BRAF: variants seen among roughly 807,000 people sequenced by gnomAD.
BRAF encodes serine/threonine-protein kinase B-raf.
In BRAF, 16 loss-of-function variants were observed where a neutral mutation model predicts 104.6. The ratio of observed to expected loss-of-function variants is 0.15; its 90% confidence interval spans 0.10 to 0.23. BRAF has a LOEUF of 0.23. Among genes scored for constraint, BRAF ranks in the 10% least tolerant of loss-of-function variants. The pLI is 1.00. For missense variants in BRAF, 541 were observed against 937.3 expected, an observed-to-expected ratio of 0.58 and a Z score of 5.52; for synonymous variants, 310 against 341.6, an observed-to-expected ratio of 0.91 and a Z score of 1.02.
At chr7:140,905,087 C>T (rs1005637706) in intron 1 of BRAF, among the ~76,000 whole-genome samples, 1 of 152,164 alleles carries the variant, frequency 6.6e-6, no homozygotes, top group Non-Finnish European at 1.5e-5. Context: ...CCCCCAAAAT[C>T]CTACATGCTT....
At chr7:140,863,894 C>A (rs1810669281) in intron 1 of BRAF, among the ~76,000 whole-genome samples, 1 of 152,190 alleles carries the variant, frequency 6.6e-6, no homozygotes, top group Admixed American at 6.5e-5. Flanking sequence ...AACCTCTTTT[C>A]TTTATAAACT....
chr7:140,880,768 T>A (rs1812805038), intron 1 of BRAF, among the ~76,000 whole-genome samples: 1 of 151,294 alleles, frequency 6.6e-6, no homozygotes, highest in Admixed American at 6.6e-5. Flanking sequence ...CAGGAGTTTG[T>A]GAGACTAGCC....
chr7:140,822,261 A>C (rs1805568394), intron 3 of BRAF: 1 of 152,044 alleles, frequency 6.6e-6, no homozygotes, highest in Admixed American at 6.6e-5. Context: ...CTATTAAAAA[A>C]CAAACAAACA....
At chr7:140,891,478 C>T (rs1222849413) in intron 1 of BRAF, among the ~76,000 whole-genome samples, 1 of 152,036 alleles carries the variant, frequency 6.6e-6, no homozygotes, top group African/African-American at 2.4e-5. Context: ...AGTTGTTATA[C>T]TGTATTATCT....
At position 140,915,160 on chromosome 7, in the gene BRAF, A is replaced by AATTT. The variant is rs536799721; in HGVS notation, c.138+9402_138+9405dup. 3.3e-3 allele frequency among the ~76,000 whole-genome samples: 498 copies of AATTT among 152,126 alleles called. 3 individuals carry two copies. Among genetic ancestry groups the AATTT allele is most frequent in the African/African-American group, 0.011 (475 of 41,550 alleles). On this transcript the variant is annotated intron_variant, in intron 1 of 19. Transcript: ENST00000644969. ...AAATACATCTATAAGCCAAAATAGA[A>AATTT]ATTTATTTTGCAAAATAAATGGTAC... is the stretch of plus-strand genomic sequence containing the variant.
At chr7:140,906,190 CCCGG>C (rs1816309951) in intron 1 of BRAF, among the ~76,000 whole-genome samples, 1 of 151,348 alleles carries the variant, frequency 6.6e-6, no homozygotes, top group South Asian at 2.1e-4. Flanking sequence ...GGTCTTAGAA[CCCGG>C]CCTTCGCCTG....
chr7:140,763,032 C>T (rs1798910871), intron 14 of BRAF, among the ~76,000 whole-genome samples: 1 of 152,254 alleles, frequency 6.6e-6, no homozygotes, highest in African/African-American at 2.4e-5. Flanking sequence ...CGGCAACCAT[C>T]CGATTTCTCA....
intron 12 of BRAF, chr7:140,781,289 T>G (rs1361023947): frequency 1.5e-5 from 6 of 413,302 alleles, no homozygotes; most frequent in Non-Finnish European, 8.9e-6. Context: ...AATTATCAGC[T>G]GAAAGACTCT....
intron 8 of BRAF, 115 bp downstream of exon 8, chr7:140,794,193 A>G (rs1335909681): frequency 1.2e-5 from 15 of 1,294,662 alleles, no homozygotes; most frequent in Non-Finnish European, 1.4e-5. Flanking sequence ...TATCACTTAA[A>G]ATAACTGTGA....
At chr7:140,777,270 T>C (rs533645544) in intron 13 of BRAF, among the ~76,000 whole-genome samples, 182 bp from the exon 13 acceptor site, 42 of 152,310 alleles carry the variant, frequency 2.8e-4, no homozygotes, top group Middle Eastern at 3.4e-3. Context: ...CCTCCTACTT[T>C]ATGCAGAGAT....
In BRAF at chr7:140,734,197, A is replaced by G. The variant is rs945723819; in HGVS notation, c.2401+420T>C. On this transcript the variant is annotated intron_variant, in intron 19 of 19. Coordinates refer to ENST00000644969, the MANE Select transcript of BRAF (RefSeq NM_001374258.1). ...ATCTAACCCAGGCTAACCGACTGCC[A>G]ACTTCTCACCTGCAAACACAGGCAT... 7.5e-5 allele frequency: 82 copies of G among 1,093,822 alleles called. 1 individual carries two copies. The African/African-American group carries it at 1.2e-3, about 15-fold the overall frequency. 67.8% of individuals were successfully genotyped at this position (1,093,822 alleles called of 1,614,324 possible). A position where few individuals can be genotyped will look rare whatever the true frequency, so the allele number is the denominator to read the frequency against.
chr7:140,800,490 C>T lies in BRAF; in HGVS notation c.861-9G>A. Reference sequence around the variant, plus strand: ...TGGAGACAAACAGCAAACTGTGAGGCAAAACAAAACAAACCTAACTTGTGC... The same window carrying T: ...TGGAGACAAACAGCAAACTGTGAGGTAAAACAAAACAAACCTAACTTGTGC... On this transcript the variant is annotated splice_polypyrimidine_tract_variant and intron_variant, in intron 6 of 19. Coordinates refer to ENST00000644969, the MANE Select transcript of BRAF (RefSeq NM_001374258.1). 6.2e-7 allele frequency: 1 copy of T among 1,613,934 alleles called. No homozygotes were observed. The highest frequency in any genetic ancestry group is 8.5e-7 in the Non-Finnish European group (1 of 1,179,920).
chr7:140,849,456 C>CCCCATTTT (rs974880346), intron 2 of BRAF, among the ~76,000 whole-genome samples: 1 of 151,728 alleles, frequency 6.6e-6, no homozygotes, highest in African/African-American at 2.4e-5. Context: ...TAAAAAATTA[C>CCCCATTTT]CCCATTTTCC....
intron 19 of BRAF, chr7:140,731,700 A>T (rs1003313347): frequency 5.9e-5 from 9 of 152,220 alleles, no homozygotes; most frequent in Admixed American, 5.2e-4. Context: ...AATAAATAAA[A>T]AAGATTAAAT....
At chr7:140,789,968 G>A (rs188123550) in intron 8 of BRAF, among the ~76,000 whole-genome samples, 143 of 152,284 alleles carry the variant, frequency 9.4e-4, no homozygotes, top group African/African-American at 2.9e-3. Context: ...GACCTCAGGC[G>A]ATCCGCCTGC....
rs577851513 is a variant in BRAF, at chr7:140,857,537, A to G, written c.139-7325T>C. Among the ~76,000 whole-genome samples, 4 of 152,332 alleles carry G rather than the reference A, an allele frequency of 2.6e-5. No individual in the cohort carries two copies. In the South Asian group the frequency reaches 8.3e-4, roughly 32 times the overall value. On this transcript the variant is annotated intron_variant, in intron 1 of 19. Transcript: ENST00000644969. ...GAGAATCTAGAGACTAATATACATG[A>G]AAGTAAACCTAAATAAGCATTTAGG...
chr7:140,811,560 G>C (rs1804267714), intron 3 of BRAF, among the ~76,000 whole-genome samples: 1 of 152,172 alleles, frequency 6.6e-6, no homozygotes, highest in African/African-American at 2.4e-5. Flanking sequence ...TTATAGCCTT[G>C]GGATTTGATC....
chr7:140,844,442 G>C (rs1370969287), intron 2 of BRAF, among the ~76,000 whole-genome samples: 1 of 152,038 alleles, frequency 6.6e-6, no homozygotes, highest in African/African-American at 2.4e-5. Context: ...AGTTTCTGTT[G>C]ACCATTTCTG....
At chr7:140,795,380 T>C (rs1283856315) in intron 7 of BRAF, among the ~76,000 whole-genome samples, 5 of 152,212 alleles carry the variant, frequency 3.3e-5, no homozygotes, top group Non-Finnish European at 7.3e-5. Context: ...GCTGTCTCAC[T>C]TAACTCCATC....
Sources: allele counts gnomAD v4.1 joint callset (sites outside exome capture counted in the v4.1 genomes callset), GRCh38; gene constraint gnomAD v4.1.1; transcripts MANE v1.5; gene names NCBI Gene and HGNC (gene_info 2026-07-23, HGNC 2026-07-21).